COX6B1: variants seen among roughly 807,000 people sequenced by gnomAD.
The protein encoded by COX6B1 is cytochrome c oxidase subunit 6B1.
Under a neutral mutation model 14.0 loss-of-function variants are expected in COX6B1, and 2 were observed. That is an observed-to-expected ratio of 0.14 (90% CI 0.06 to 0.45). The LOEUF is 0.45. Among genes scored for constraint, COX6B1 ranks in the 20% least tolerant of loss-of-function variants. The probability of loss-of-function intolerance (pLI) is 0.98; values close to 1 mark genes in which losing one functional copy is unlikely to be tolerated. For synonymous variants in COX6B1, 30 were observed against 39.7 expected (o/e 0.76, Z 0.92); for missense variants, 81 against 114.2 (o/e 0.71, Z 1.33).
rs1009877871 is a variant in COX6B1, at chr19:35,649,671, G to A, written c.-12+1268G>A. 2.0e-5 allele frequency among the ~76,000 whole-genome samples: 3 copies of A among 152,082 alleles called. No homozygotes were observed. In the South Asian group the frequency reaches 6.2e-4, roughly 32 times the overall value. On this transcript the variant is annotated intron_variant, in intron 1 of 3. Transcript: ENST00000649813. Reference sequence around the variant, plus strand: ...TTTTTTGTATTTTTAGTAGAGATGGGGTTTCACCATATTGGCCAAGCTGGT... The same window carrying A: ...TTTTTTGTATTTTTAGTAGAGATGGAGTTTCACCATATTGGCCAAGCTGGT...
intron 1 of COX6B1, among the ~76,000 whole-genome samples, chr19:35,650,482 C>T (rs754727847): frequency 1.3e-5 from 2 of 152,034 alleles, no homozygotes; most frequent in Non-Finnish European, 2.9e-5. Flanking sequence ...GAGGCCAAGC[C>T]GGGCAGATCA....
chr19:35,658,562 A>C, intron 3 of COX6B1, 32 bp from the exon 4 acceptor site: 1 of 1,596,790 alleles, frequency 6.3e-7, no homozygotes, highest in Middle Eastern at 1.7e-4. Flanking sequence ...CAGTTTCCCC[A>C]CTGCGGAGGG....
At chr19:35,650,274 A>C (rs904297845) in intron 1 of COX6B1, among the ~76,000 whole-genome samples, 1 of 152,286 alleles carries the variant, frequency 6.6e-6, no homozygotes, top group Non-Finnish European at 1.5e-5. Flanking sequence ...AAGTGCTAGG[A>C]TTACAGGCGT....
intron 2 of COX6B1, among the ~76,000 whole-genome samples, chr19:35,653,189 G>A (rs1233346547): frequency 6.6e-6 from 1 of 150,672 alleles, no homozygotes; most frequent in Non-Finnish European, 1.5e-5. Flanking sequence ...TGGCCAGGCT[G>A]GTCTTAAACT....
chr19:35,652,451 C>CT (rs1261065613), intron 2 of COX6B1, among the ~76,000 whole-genome samples: 1 of 151,162 alleles, frequency 6.6e-6, no homozygotes, highest in South Asian at 2.1e-4. Context: ...GTTTTTGAGA[C>CT]TGAGTTTTTT....
chr19:35,653,803 C>T (rs1209938665), intron 2 of COX6B1, among the ~76,000 whole-genome samples: 1 of 152,022 alleles, frequency 6.6e-6, no homozygotes, highest in Admixed American at 6.6e-5. Flanking sequence ...CTCCTGACCT[C>T]GTGATCTGCC....
At chr19:35,649,288 T>C (rs1967797799) in intron 1 of COX6B1, among the ~76,000 whole-genome samples, 2 of 152,194 alleles carry the variant, frequency 1.3e-5, no homozygotes, top group African/African-American at 4.8e-5. Context: ...GCGGTGATTT[T>C]GTTAGCAATG....
At chr19:35,658,496 G>T in intron 3 of COX6B1, 98 bp from the exon 4 acceptor site, 1 of 1,034,492 alleles carries the variant, frequency 9.7e-7, no homozygotes, top group Non-Finnish European at 1.5e-6. Context: ...GGTACCTGTG[G>T]ATATTGGTTG....
At chr19:35,655,013 T>C (rs948215644) in intron 3 of COX6B1, among the ~76,000 whole-genome samples, 5 of 151,550 alleles carry the variant, frequency 3.3e-5, no homozygotes, top group African/African-American at 1.2e-4. Flanking sequence ...CATTTTTTTT[T>C]CTTTTTTTTT....
At chr19:35,649,333 C>T (rs531798603) in intron 1 of COX6B1, among the ~76,000 whole-genome samples, 33 of 151,894 alleles carry the variant, frequency 2.2e-4, no homozygotes, top group Admixed American at 1.9e-3. Flanking sequence ...TGTTTTTCTC[C>T]TTTTTTGAGA....
chr19:35,656,278 TG>T (rs766222237), intron 3 of COX6B1, among the ~76,000 whole-genome samples: 244 of 152,304 alleles, frequency 1.6e-3, no homozygotes, highest in Non-Finnish European at 5.3e-4. Context: ...ACATTGATCT[TG>T]ATAGTCTTTA....
Position 35,648,594 on chromosome 19 carries a change from A to G in COX6B1, c.-12+191A>G, listed in dbSNP as rs148710794. ...TTCCTTGATGCCAGGCAACATCCCA[A>G]ACAACTTTAATTAATTTATTTAACT... On this transcript the variant is annotated intron_variant, in intron 1 of 3. Coordinates refer to ENST00000649813, the MANE Select transcript of COX6B1 (RefSeq NM_001863.5). 451 of 339,308 alleles carry G rather than the reference A, an allele frequency of 1.3e-3. 1 individual carries two copies. The highest frequency in any genetic ancestry group is 2.1e-3 in the Admixed American group (54 of 25,174). The allele number at this position is 339,308 out of a possible 1,614,324, so 21.0% of individuals were successfully genotyped here. A position where few individuals can be genotyped will look rare whatever the true frequency, so the allele number is the denominator to read the frequency against.
Position 35,654,377 on chromosome 19 carries a change from T to C in COX6B1, c.107-194T>C, listed in dbSNP as rs142980738. On this transcript the variant is annotated intron_variant, in intron 2 of 3. Coordinates refer to ENST00000649813, the MANE Select transcript of COX6B1 (RefSeq NM_001863.5). ...AAAATTAGCTGGGCATGGTGGCAGG[T>C]GCCTGTAATCCCAGCTACTTGAGAG... is the stretch of plus-strand genomic sequence containing the variant. 0.04 allele frequency among the ~76,000 whole-genome samples: 6,138 copies of C among 152,056 alleles called. 214 individuals are homozygous for C. Among genetic ancestry groups the C allele is most frequent in the African/African-American group, 0.1 (4,195 of 41,478 alleles).
chr19:35,649,728 CCTCGGCTTCCCAAAGTG>C (rs1472678516), intron 1 of COX6B1, among the ~76,000 whole-genome samples: 1 of 152,138 alleles, frequency 6.6e-6, no homozygotes, highest in Non-Finnish European at 1.5e-5. Context: ...GATCCACCCA[CCTCGGCTTCCCAAAGTG>C]CTGGGATTAC....
At chr19:35,648,807 G>A in intron 1 of COX6B1, 1 of 531,596 alleles carries the variant, frequency 1.9e-6, no homozygotes, top group Non-Finnish European at 3.9e-6. Flanking sequence ...CCGCAGCCTG[G>A]CTCCCGGGTG....
chr19:35,650,433 C>T (rs1293119356), intron 1 of COX6B1, among the ~76,000 whole-genome samples: 2 of 152,154 alleles, frequency 1.3e-5, no homozygotes, highest in East Asian at 1.9e-4. Context: ...ATATTCAGGC[C>T]GGGTTTGGTG....
chr19:35,652,899 A>G (rs950756163), intron 2 of COX6B1, among the ~76,000 whole-genome samples: 12 of 151,672 alleles, frequency 7.9e-5, no homozygotes, highest in African/African-American at 2.4e-4. Context: ...CCCGGGTTCA[A>G]GTGATTCTCC....
intron 1 of COX6B1, chr19:35,648,735 G>A (rs1306880608): frequency 4.5e-6 from 2 of 448,274 alleles, no homozygotes; most frequent in South Asian, 1.6e-5. Flanking sequence ...TGGCCCAGGA[G>A]TTTGTCCTCC....
intron 3 of COX6B1, among the ~76,000 whole-genome samples, chr19:35,656,258 C>T (rs1967888251): frequency 6.6e-6 from 1 of 152,238 alleles, no homozygotes; most frequent in Non-Finnish European, 1.5e-5. Context: ...TGGAAATAAC[C>T]CAAGTTAAAA....
Sources: allele counts gnomAD v4.1 joint callset (sites outside exome capture counted in the v4.1 genomes callset), GRCh38; gene constraint gnomAD v4.1.1; transcripts MANE v1.5; gene names NCBI Gene and HGNC (gene_info 2026-07-23, HGNC 2026-07-21).